Variants in NEB observed in about 807,000 individuals in gnomAD.
The protein encoded by NEB is nemaline myopathy type 2.
NEB carries 512 observed loss-of-function variants against 952.2 expected under a neutral mutation model. That is an observed-to-expected ratio of 0.54 (90% CI 0.50 to 0.58). NEB has a LOEUF of 0.58. Ranked by LOEUF, NEB falls within the 20% of genes least tolerant of loss-of-function variation. NEB has a pLI of 0.00. For synonymous variants in NEB, 2,900 were observed against 3,149.8 expected, an observed-to-expected ratio of 0.92 and a Z score of 2.66; for missense variants, 8,428 against 9,231.1, an observed-to-expected ratio of 0.91 and a Z score of 3.56.
At chr2:151,690,656 T>C (rs766884074) in intron 24 of NEB, 71 bp downstream of exon 24, 4 of 1,097,928 alleles carry the variant, frequency 3.6e-6, no homozygotes, top group East Asian at 2.6e-5. Flanking sequence ...AGATTAAGCA[T>C]GTAAATGCTT....
chr2:151,574,364 T>C (rs527760025), intron 107 of NEB, among the ~76,000 whole-genome samples: 1 of 152,230 alleles, frequency 6.6e-6, no homozygotes, highest in Non-Finnish European at 1.5e-5. Flanking sequence ...ATGATGATAT[T>C]AGGGGCACCC....
chr2:151,489,846 TAAA>T (rs1256141540), intron 181 of NEB, 122 bp downstream of exon 181: 5 of 581,466 alleles, frequency 8.6e-6, no homozygotes, highest in African/African-American at 5.7e-5. Context: ...AAACATGTAA[TAAA>T]AGAGCATTAT....
chr2:151,607,503 C>T lies in NEB; in HGVS notation c.12639+1G>A, dbSNP rs2097758221. The T allele has an allele frequency of 2.0e-6, 1 of 510,870 alleles. No individual in the cohort carries two copies. The highest frequency in any genetic ancestry group is 1.8e-5 in the South Asian group (1 of 55,756). 31.6% of individuals were successfully genotyped at this position (510,870 alleles called of 1,614,324 possible). A position where few individuals can be genotyped will look rare whatever the true frequency, so the allele number is the denominator to read the frequency against. ...TTACACTTCATGTTCGTGCCACTTA[C>T]ATTGCTGATTTGCAAGGCATTGATG... is the stretch of plus-strand genomic sequence containing the variant. On this transcript the variant is annotated splice_donor_variant, in intron 83 of 181. Transcript: ENST00000397345. LOFTEE classifies it high-confidence loss of function.
chr2:151,604,230 G>A (rs2097596591), intron 85 of NEB, among the ~76,000 whole-genome samples: 1 of 119,044 alleles, frequency 8.4e-6, no homozygotes, highest in South Asian at 2.9e-4. Flanking sequence ...AAGTAAACAT[G>A]AAATCCAACA....
rs199800122 is a variant in NEB at position 151,724,214 on chromosome 2, T to C, written c.612+46A>G. 1.2e-4 allele frequency: 170 copies of C among 1,374,392 alleles called. No individual in the cohort carries two copies. The African/African-American group carries it at 2.0e-3, about 16-fold the overall frequency. The allele number at this position is 1,374,392 out of a possible 1,614,324, so 85.1% of individuals were successfully genotyped here. On this transcript the variant is annotated intron_variant, in intron 8 of 181. Transcript: ENST00000397345. ...ACCAAGTATTACATGAAATATATGA[T>C]GGGATGACATAGGAAGACAGAAGTG...
In NEB at chr2:151,631,245, A is replaced by G. The variant is rs1350595610; in HGVS notation, c.9516T>C (p.Ser3172=). 6.2e-7 allele frequency: 1 copy of G among 1,613,918 alleles called. No individual in the cohort carries two copies. Among genetic ancestry groups the G allele is most frequent in the Non-Finnish European group, 8.5e-7 (1 of 1,179,856 alleles). The part of the protein sequence containing the change: ...VKCKRATEIL[S]DNIYRQPPDK... ...CCGGAGGCTGGCGGTAGATGTTATCACTCAGTATTTCGGTAGCTCTCTTGC... is the reference window on the plus strand; with the variant it reads ...CCGGAGGCTGGCGGTAGATGTTATCGCTCAGTATTTCGGTAGCTCTCTTGC... The change falls in exon 66 of 182, where the codon AGT becomes AGC. Residue 3172 remains serine, a synonymous_variant. Coordinates refer to ENST00000397345, the MANE Select transcript of NEB (RefSeq NM_001164508.2).
rs373285394 is a variant in NEB at position 151,627,707 on chromosome 2, T to A, written c.9959A>T (p.Lys3320Met). The change falls in exon 69 of 182, where the codon AAG (lysine) becomes ATG (methionine). Residue 3320 changes from lysine (K) to methionine (M), a missense_variant. By Grantham distance (95) the Lys-to-Met change is moderately conservative. Transcript: ENST00000397345. ...CTTGGTCTTCCACTTCTCAAAGTCC[T>A]TCTTATACTCCCTGTCACTCTGGAT... The part of the protein sequence containing the change: ...AKIQSDREYK[K>M]DFEKWKTKFS... 1.9e-6 allele frequency: 3 copies of A among 1,613,958 alleles called. No individual in the cohort carries two copies. The highest frequency in any genetic ancestry group is 2.7e-5 in the African/African-American group (2 of 75,030).
intron 168 of NEB, among the ~76,000 whole-genome samples, chr2:151,501,051 T>G (rs2064090461): frequency 6.6e-6 from 1 of 152,208 alleles, no homozygotes; most frequent in African/African-American, 2.4e-5. Context: ...TTTTCTTGCA[T>G]CTCTAACCCA....
rs183168112 is a variant in NEB at position 151,524,317 on chromosome 2, G to A, written c.22473C>T (p.Ser7491=). 1 of 1,613,534 alleles carries A rather than the reference G, an allele frequency of 6.2e-7. No homozygotes were observed. Among genetic ancestry groups the A allele is most frequent in the East Asian group, 2.2e-5 (1 of 44,892 alleles). ...GTGCACCCATCTGCATTACCTGGCT[G>A]CTCAGCTTGGCTGCCTTCTTGGCCA... ...IEMAKKAAKL[S]SQVKYRENFD... is the part of the protein sequence containing the mutation. The change falls in exon 153 of 182, where the codon AGC becomes AGT. Residue 7491 remains serine (S), a synonymous_variant. Coordinates refer to ENST00000397345, the MANE Select transcript of NEB (RefSeq NM_001164508.2).
intron 65 of NEB, among the ~76,000 whole-genome samples, chr2:151,632,963 G>A (rs559204422): frequency 4.6e-5 from 7 of 152,328 alleles, no homozygotes; most frequent in African/African-American, 1.7e-4. Context: ...CAGAACAGAC[G>A]TGGGAGTTTT....
At chr2:151,492,352 G>T (rs1237689001) in intron 177 of NEB, 35 bp downstream of exon 177, 5 of 1,588,788 alleles carry the variant, frequency 3.1e-6, no homozygotes, top group Non-Finnish European at 4.3e-6. Context: ...CATTCTGACA[G>T]GCAGCCAGCC....
chr2:151,690,820 G>T lies in NEB; in HGVS notation c.2217C>A (p.Thr739=). 6.4e-7 allele frequency: 1 copy of T among 1,573,618 alleles called. No homozygotes were observed. The highest frequency in any genetic ancestry group is 8.7e-7 in the Non-Finnish European group (1 of 1,155,802). Residue 739 remains threonine (T), a synonymous_variant, in exon 24 of 182, where the codon ACC becomes ACA. Coordinates refer to ENST00000397345, the MANE Select transcript of NEB (RefSeq NM_001164508.2). The stretch of plus-strand genomic sequence containing the variant: ...TGGTCTTATCTGGATGAACTTTGTA[G>T]GTATGCTAGAAAAGAAGATGTTCTT... ...IKKLDQCKDH[T]YKVHPDKTKF... is the part of the protein sequence containing the mutation.
chr2:151,708,914 C>T (rs566952319), intron 12 of NEB, among the ~76,000 whole-genome samples: 1 of 152,314 alleles, frequency 6.6e-6, no homozygotes, highest in Admixed American at 6.5e-5. Context: ...TATCACCTGC[C>T]CTGCTACCCT....
intron 6 of NEB, 140 bp downstream of exon 6, chr2:151,725,313 G>T: frequency 2.7e-6 from 2 of 730,688 alleles, no homozygotes; most frequent in South Asian, 2.0e-5. Context: ...ATGATCTATG[G>T]TTCATGCTTT....
rs1365598003 is a variant in NEB, at chr2:151,691,970, TATA to T, written c.2107-5_2107-3del. ...TTCATATTCTGCTTTGTAACTTTTC[TATA>T]ATGAGAAAAACCAAAAATAGATCAT... On this transcript the variant is annotated splice_polypyrimidine_tract_variant and splice_region_variant and intron_variant, in intron 22 of 181. Coordinates refer to ENST00000397345, the MANE Select transcript of NEB (RefSeq NM_001164508.2). 5 of 1,611,672 alleles carry T rather than the reference TATA, an allele frequency of 3.1e-6. No individual in the cohort carries two copies. The highest frequency in any genetic ancestry group is 4.2e-6 in the Non-Finnish European group (5 of 1,178,394).
At chr2:151,719,883 T>A (rs2099769476) in intron 9 of NEB, among the ~76,000 whole-genome samples, 1 of 39,480 alleles carries the variant, frequency 2.5e-5, no homozygotes. Flanking sequence ...TGAGACCCTG[T>A]CTCAAAAAAA....
At chr2:151,671,291 G>T in intron 37 of NEB, 62 bp from the exon 38 acceptor site, 1 of 1,367,480 alleles carries the variant, frequency 7.3e-7, no homozygotes, top group Non-Finnish European at 1.0e-6. Flanking sequence ...ATGTTTCTGG[G>T]ATCTGCAATT....
At chr2:151,527,068 G>C in intron 147 of NEB, 46 bp from the exon 148 acceptor site, 2 of 1,282,898 alleles carry the variant, frequency 1.6e-6, no homozygotes, top group Non-Finnish European at 1.1e-6. Flanking sequence ...TGACAGCACA[G>C]GAGGAAGCTG....
intron 107 of NEB, among the ~76,000 whole-genome samples, chr2:151,574,115 C>T (rs1275425058): frequency 6.6e-6 from 1 of 152,168 alleles, no homozygotes; most frequent in Non-Finnish European, 1.5e-5. Context: ...GCTGGGACTA[C>T]AGGCACCCAC....
Sources: allele counts gnomAD v4.1 joint callset (sites outside exome capture counted in the v4.1 genomes callset), GRCh38; gene constraint gnomAD v4.1.1; transcripts MANE v1.5; gene names NCBI Gene and HGNC (gene_info 2026-07-23, HGNC 2026-07-21).